The following TMEM132D variants were observed in gnomAD, a reference collection of about 807,000 sequenced individuals.
The protein encoded by TMEM132D is transmembrane protein 132D.
In TMEM132D, 21 loss-of-function variants were observed where a neutral mutation model predicts 62.3. The ratio of observed to expected loss-of-function variants is 0.34; its 90% CI spans 0.24 to 0.49. The LOEUF (loss-of-function observed/expected upper bound fraction) is 0.49, where lower values mean the gene tolerates loss of function less well. Ranked by LOEUF, TMEM132D falls within the 20% of genes least tolerant of loss-of-function variation. The pLI is 0.99. For synonymous variants in TMEM132D, 621 were observed against 575.6 expected (o/e 1.08, Z -1.13); for missense variants, 1,346 against 1,402.8 (o/e 0.96, Z 0.65).
At chr12:129,107,381 G>C (rs1875534872) in intron 5 of TMEM132D, among the ~76,000 whole-genome samples, 1 of 152,172 alleles carries the variant, frequency 6.6e-6, no homozygotes, top group Admixed American at 6.5e-5. Flanking sequence ...ATCAAATCAA[G>C]TAAAATGCAC....
At chr12:129,697,855 G>A (rs1261228019) in intron 2 of TMEM132D, among the ~76,000 whole-genome samples, 1 of 152,092 alleles carries the variant, frequency 6.6e-6, no homozygotes. Context: ...ATAAAGTCAT[G>A]AGACACAAAG....
chr12:129,662,570 G>A (rs942364555), intron 2 of TMEM132D, among the ~76,000 whole-genome samples: 9 of 152,102 alleles, frequency 5.9e-5, no homozygotes, highest in East Asian at 3.9e-4. Context: ...CAAGGCAGGC[G>A]GATCACGAGG....
At chr12:129,160,758 G>A (rs960244865) in intron 5 of TMEM132D, among the ~76,000 whole-genome samples, 1 of 152,194 alleles carries the variant, frequency 6.6e-6, no homozygotes, top group Non-Finnish European at 1.5e-5. Context: ...AGTTCTTAGA[G>A]GTTACTACAA....
chr12:129,332,479 A>G (rs915820472), intron 4 of TMEM132D, among the ~76,000 whole-genome samples: 2 of 152,196 alleles, frequency 1.3e-5, no homozygotes, highest in African/African-American at 2.4e-5. Context: ...CACACAAAGA[A>G]TGGAGAGGCC....
rs116174393 is a variant in TMEM132D at position 129,603,041 on chromosome 12, G to A, written c.969-71836C>T. On this transcript the variant is annotated intron_variant, in intron 2 of 8. Coordinates refer to ENST00000422113, the MANE Select transcript of TMEM132D (RefSeq NM_133448.3). ...TTACCTTCCACCAGGTCCCTCCCTCGCACAACACATGGGGATTATGGGAAC... is the reference window on the plus strand; with the variant it reads ...TTACCTTCCACCAGGTCCCTCCCTCACACAACACATGGGGATTATGGGAAC... Among the ~76,000 whole-genome samples, 291 of 152,208 alleles carry A rather than the reference G, an allele frequency of 1.9e-3. 1 individual carries two copies. The highest frequency in any genetic ancestry group is 6.7e-3 in the African/African-American group (277 of 41,552).
At chr12:129,377,757 C>T (rs544279476) in intron 3 of TMEM132D, among the ~76,000 whole-genome samples, 47 of 152,310 alleles carry the variant, frequency 3.1e-4, no homozygotes, top group South Asian at 4.1e-4. Flanking sequence ...AATACGTGGT[C>T]CACCTTCCAT....
At chr12:129,262,040 A>G (rs1033452719) in intron 4 of TMEM132D, among the ~76,000 whole-genome samples, 1 of 152,100 alleles carries the variant, frequency 6.6e-6, no homozygotes, top group Non-Finnish European at 1.5e-5. Flanking sequence ...GCTTGGGGGC[A>G]CCTACAGAGG....
chr12:129,301,479 T>C (rs1449911223), intron 4 of TMEM132D, among the ~76,000 whole-genome samples: 1 of 151,998 alleles, frequency 6.6e-6, no homozygotes, highest in Non-Finnish European at 1.5e-5. Flanking sequence ...ACTTTAAATG[T>C]CCATGCTAAT....
intron 4 of TMEM132D, among the ~76,000 whole-genome samples, chr12:129,216,586 G>A (rs1196040626): frequency 1.3e-5 from 2 of 152,146 alleles, no homozygotes; most frequent in Non-Finnish European, 2.9e-5. Context: ...GCCTCCAGAG[G>A]GAGCATGGCC....
chr12:129,361,785 C>T (rs1363555474), intron 3 of TMEM132D, among the ~76,000 whole-genome samples: 1 of 152,164 alleles, frequency 6.6e-6, no homozygotes, highest in Non-Finnish European at 1.5e-5. Flanking sequence ...TTGATCCCCA[C>T]ATAAAATGAT....
At chr12:129,574,874 A>C (rs1261624480) in intron 2 of TMEM132D, among the ~76,000 whole-genome samples, 1 of 151,878 alleles carries the variant, frequency 6.6e-6, no homozygotes, top group East Asian at 1.9e-4. Context: ...GGAAGCAGCC[A>C]GGTCAAAATG....
chr12:129,860,784 G>C (rs1211788330), intron 1 of TMEM132D, among the ~76,000 whole-genome samples: 3 of 152,178 alleles, frequency 2.0e-5, no homozygotes, highest in Non-Finnish European at 4.4e-5. Flanking sequence ...AAGCAAACGT[G>C]TCCTTTTTCA....
chr12:129,654,401 T>A (rs1255092910), intron 2 of TMEM132D, among the ~76,000 whole-genome samples: 1 of 152,044 alleles, frequency 6.6e-6, no homozygotes, highest in Non-Finnish European at 1.5e-5. Context: ...ATCACTCTTC[T>A]CGAGAAAATT....
intron 1 of TMEM132D, among the ~76,000 whole-genome samples, chr12:129,871,268 T>A (rs978175379): frequency 4.6e-5 from 7 of 152,162 alleles, no homozygotes; most frequent in African/African-American, 1.7e-4. Flanking sequence ...CTTGGTTTTA[T>A]GCTGAAGTTG....
intron 5 of TMEM132D, among the ~76,000 whole-genome samples, chr12:129,103,521 C>A (rs1219681878): frequency 6.6e-6 from 1 of 152,190 alleles, no homozygotes; most frequent in East Asian, 1.9e-4. Flanking sequence ...TGGGATAATT[C>A]CAACCTACTC....
chr12:129,784,462 A>G (rs2137293363), intron 1 of TMEM132D, among the ~76,000 whole-genome samples: 1 of 152,270 alleles, frequency 6.6e-6, no homozygotes, highest in Admixed American at 6.5e-5. Context: ...TGTTTTTCAG[A>G]CTTATTTATT....
intron 2 of TMEM132D, among the ~76,000 whole-genome samples, chr12:129,654,946 T>C (rs1880031998): frequency 6.6e-6 from 1 of 152,172 alleles, no homozygotes; most frequent in Admixed American, 6.5e-5. Flanking sequence ...TGAATTCCTT[T>C]TCTTTTTTTT....
chr12:129,168,297 C>A (rs186270247), intron 5 of TMEM132D, among the ~76,000 whole-genome samples: 2 of 151,994 alleles, frequency 1.3e-5, no homozygotes, highest in Non-Finnish European at 2.9e-5. Context: ...AATTCACATA[C>A]CACACAAATT....
At chr12:129,339,326 G>C (rs1869391616) in intron 3 of TMEM132D, among the ~76,000 whole-genome samples, 1 of 135,498 alleles carries the variant, frequency 7.4e-6, no homozygotes, top group Non-Finnish European at 1.7e-5. Flanking sequence ...AGGAGGAAAA[G>C]AAAGAGGAGG....
Sources: gnomAD v4.1 joint callset for allele counts (sites outside exome capture counted in the v4.1 genomes callset) on GRCh38, gnomAD v4.1.1 for gene constraint, MANE v1.5 for transcripts, NCBI Gene and HGNC (gene_info 2026-07-23, HGNC 2026-07-21) for gene names.